GRM3: variants seen among roughly 807,000 people sequenced by gnomAD.
GRM3 encodes metabotropic glutamate receptor 3.
Under a neutral mutation model 70.5 loss-of-function variants are expected in GRM3, and 26 were observed. The observed-to-expected ratio is 0.37, with a 90% CI of 0.27 to 0.51. The LOEUF (loss-of-function observed/expected upper bound fraction) is 0.51. Ranked by LOEUF, GRM3 falls within the 20% of genes least tolerant of loss-of-function variation. GRM3 has a pLI of 0.93. For missense variants in GRM3, 859 were observed against 1,123.8 expected (o/e 0.76, Z 3.37); for synonymous variants, 443 against 434.9 (o/e 1.02, Z -0.23).
intron 1 of GRM3, among the ~76,000 whole-genome samples, chr7:86,723,490 T>G (rs1337631239): frequency 6.6e-6 from 1 of 152,150 alleles, no homozygotes; most frequent in Non-Finnish European, 1.5e-5. Flanking sequence ...AAATTGATGG[T>G]AAGAAAATGT....
chr7:86,806,393 C>T (rs1229833240), intron 3 of GRM3, among the ~76,000 whole-genome samples: 2 of 152,196 alleles, frequency 1.3e-5, no homozygotes, highest in African/African-American at 4.8e-5. Flanking sequence ...TATTTCTCCA[C>T]ATCCTCTCCA....
At chr7:86,668,327 TATTCACATGAAAATG>T (rs1380319070) in intron 1 of GRM3, among the ~76,000 whole-genome samples, 2,966 of 152,144 alleles carry the variant, frequency 0.019, 95 homozygotes, top group African/African-American at 0.068. Context: ...ATCAAGTCTA[TATTCACATGAAAATG>T]TACATACATT....
chr7:86,678,464 T>A (rs1794360131), intron 1 of GRM3, among the ~76,000 whole-genome samples: 1 of 151,958 alleles, frequency 6.6e-6, no homozygotes, highest in African/African-American at 2.4e-5. Flanking sequence ...TCAAAGCAAA[T>A]CACATTGGAA....
At chr7:86,775,637 A>G (rs1796866066) in intron 2 of GRM3, among the ~76,000 whole-genome samples, 1 of 152,114 alleles carries the variant, frequency 6.6e-6, no homozygotes, top group South Asian at 2.1e-4. Context: ...TGTATATAAA[A>G]TTCTTAGTGG....
At chr7:86,785,895 G>T (rs1797225382) in intron 2 of GRM3, among the ~76,000 whole-genome samples, 1 of 151,904 alleles carries the variant, frequency 6.6e-6, no homozygotes. Flanking sequence ...ATTCACTGTA[G>T]TTCATTGCTT....
chr7:86,771,501 G>A (rs1164705522), intron 2 of GRM3, among the ~76,000 whole-genome samples: 3 of 152,078 alleles, frequency 2.0e-5, no homozygotes, highest in African/African-American at 7.2e-5. Context: ...CAGAAAATAA[G>A]CATTTATTAA....
chr7:86,829,554 G>A (rs575177797), intron 3 of GRM3, among the ~76,000 whole-genome samples: 18 of 152,240 alleles, frequency 1.2e-4, no homozygotes, highest in African/African-American at 4.3e-4. Context: ...CCATCATAAG[G>A]TCATTAATTG....
chr7:86,786,776 G>C lies in GRM3; in HGVS notation c.984G>C (p.Gln328His). 6.2e-7 allele frequency: 1 copy of C among 1,614,076 alleles called. No individual in the cohort carries two copies. Among genetic ancestry groups the C allele is most frequent in the South Asian group, 1.1e-5 (1 of 91,088 alleles). Residue 328 changes from glutamine (Q) to histidine (H), a missense_variant, in exon 3 of 6, where the codon CAG becomes CAC. Gln to His is a conservative substitution (Grantham distance 24). Transcript: ENST00000361669. This position sits in a 1 kb window ranked among gnomAD's most constrained non-coding sequence, Gnocchi z 6.0. ...YGAITLELAS[Q>H]PVRQFDRYFQ... ...CCATCACCCTGGAGCTGGCCTCCCAGCCTGTCCGCCAGTTCGACCGCTACT... is the reference window on the plus strand; with the variant it reads ...CCATCACCCTGGAGCTGGCCTCCCACCCTGTCCGCCAGTTCGACCGCTACT...
chr7:86,767,530 T>C (rs1796633006), intron 2 of GRM3, among the ~76,000 whole-genome samples: 4 of 63,726 alleles, frequency 6.3e-5, no homozygotes. Flanking sequence ...TATATATATA[T>C]ATATATATAT....
chr7:86,756,650 T>G (rs953776389), intron 1 of GRM3, among the ~76,000 whole-genome samples: 1 of 152,174 alleles, frequency 6.6e-6, no homozygotes, highest in Non-Finnish European at 1.5e-5. Flanking sequence ...TACCTTTACT[T>G]TAATCAATTT....
intron 1 of GRM3, among the ~76,000 whole-genome samples, chr7:86,745,720 T>C (rs1291042078): frequency 6.6e-6 from 1 of 152,096 alleles, no homozygotes; most frequent in African/African-American, 2.4e-5. Context: ...AATTTTTCTG[T>C]CATTCATGGC....
chr7:86,806,666 T>C lies in GRM3; in HGVS notation c.1324+19550T>C, dbSNP rs555649315. Among the ~76,000 whole-genome samples the C allele has an allele frequency of 3.3e-4, 50 of 152,342 alleles. No individual in the cohort carries two copies. In the East Asian group the frequency reaches 8.5e-3, roughly 26 times the overall value. ...ATTAGCCCTTTGTCAGATGGGTAGA[T>C]TGCAAAAATTTTCTCCCATTCTGTA... On this transcript the variant is annotated intron_variant, in intron 3 of 5. Coordinates refer to ENST00000361669, the MANE Select transcript of GRM3 (RefSeq NM_000840.3).
At chr7:86,648,532 A>T (rs1289170407) in intron 1 of GRM3, among the ~76,000 whole-genome samples, 1 of 152,210 alleles carries the variant, frequency 6.6e-6, no homozygotes, top group East Asian at 1.9e-4. Context: ...TTAACAAAAC[A>T]TAGTAATTCT....
At chr7:86,692,933 G>A (rs1053867163) in intron 1 of GRM3, among the ~76,000 whole-genome samples, 6 of 152,112 alleles carry the variant, frequency 3.9e-5, no homozygotes, top group Non-Finnish European at 2.9e-5. Context: ...AGGAGGGGAA[G>A]GCAGCACATC....
At chr7:86,787,566 G>C (rs1387276257) in intron 3 of GRM3, among the ~76,000 whole-genome samples, 1 of 152,190 alleles carries the variant, frequency 6.6e-6, no homozygotes, top group East Asian at 1.9e-4. Context: ...CAGAGAGAGA[G>C]AGAGAGAGAG....
chr7:86,760,802 T>C (rs1796460137), intron 1 of GRM3, among the ~76,000 whole-genome samples: 1 of 152,276 alleles, frequency 6.6e-6, no homozygotes, highest in Non-Finnish European at 1.5e-5. Flanking sequence ...TGATTTTTGA[T>C]TTGTAATTCT....
Position 86,811,234 on chromosome 7 carries a change from C to A in GRM3, c.1324+24118C>A, listed in dbSNP as rs118123072. 4.6e-5 allele frequency among the ~76,000 whole-genome samples: 7 copies of A among 151,918 alleles called. No individual in the cohort carries two copies. In the East Asian group the frequency reaches 1.2e-3, roughly 25 times the overall value. On this transcript the variant is annotated intron_variant, in intron 3 of 5. Transcript: ENST00000361669. Reference sequence around the variant, plus strand: ...AGTAAAAGTTGAAGATAAGGAACAACAATAAAGTTTTGCTGAAGGGCTGGA... The same window carrying A: ...AGTAAAAGTTGAAGATAAGGAACAAAAATAAAGTTTTGCTGAAGGGCTGGA...
intron 4 of GRM3, among the ~76,000 whole-genome samples, chr7:86,848,038 C>T (rs987200947): frequency 6.6e-6 from 1 of 152,164 alleles, no homozygotes; most frequent in Admixed American, 6.5e-5. Flanking sequence ...TATTCAAACA[C>T]CAAATGTTCA....
intron 3 of GRM3, among the ~76,000 whole-genome samples, chr7:86,824,318 C>A (rs571979140): frequency 1.3e-4 from 20 of 152,130 alleles, no homozygotes; most frequent in Non-Finnish European, 1.8e-4. Context: ...AAAAGTATTC[C>A]TACTTCTTCA....
Sources: gnomAD v4.1 joint callset for allele counts (sites outside exome capture counted in the v4.1 genomes callset) on GRCh38, gnomAD v4.1.1 for gene constraint, Gnocchi (gnomAD v3.1) non-coding constraint, MANE v1.5 for transcripts, NCBI Gene and HGNC (gene_info 2026-07-23, HGNC 2026-07-21) for gene names.